SGPP2: variants seen among roughly 807,000 people sequenced by gnomAD.
SGPP2 encodes sphingosine 1-phosphate phosphohydrolase 2.
A neutral mutation model predicts 33.9 loss-of-function variants in SGPP2; 30 were observed. The ratio of observed to expected loss-of-function variants is 0.89; its 90% confidence interval spans 0.66 to 1.20. The LOEUF (loss-of-function observed/expected upper bound fraction) is 1.20, where lower values mean the gene tolerates loss of function less well. SGPP2 is among the 50% of genes most tolerant of loss of function. SGPP2 has a pLI of 0.00. For missense variants in SGPP2, 458 were observed against 532.1 expected, an observed-to-expected ratio of 0.86 and a Z score of 1.37; for synonymous variants, 233 against 225.0, an observed-to-expected ratio of 1.04 and a Z score of -0.32.
chr2:222,546,229 C>T (rs1689196514), intron 4 of SGPP2, among the ~76,000 whole-genome samples: 1 of 152,160 alleles, frequency 6.6e-6, no homozygotes, highest in Non-Finnish European at 1.5e-5. Flanking sequence ...TGTGCATAGG[C>T]CTGTGGCATA....
At chr2:222,464,601 A>G (rs997136568) in intron 1 of SGPP2, among the ~76,000 whole-genome samples, 1 of 151,952 alleles carries the variant, frequency 6.6e-6, no homozygotes, top group Non-Finnish European at 1.5e-5. Flanking sequence ...TCTCACCTCA[A>G]CCTCCCAAAT....
intron 4 of SGPP2, among the ~76,000 whole-genome samples, chr2:222,549,883 C>CT (rs751034613): frequency 0.013 from 1,765 of 137,606 alleles, 10 homozygotes; most frequent in South Asian, 0.019. Context: ...CTTTTCTTTT[C>CT]TTTTTTTTTT....
chr2:222,431,162 A>G (rs906923089), intron 1 of SGPP2, among the ~76,000 whole-genome samples: 1 of 146,568 alleles, frequency 6.8e-6, no homozygotes, highest in Non-Finnish European at 1.5e-5. Context: ...TATCTTTTCA[A>G]TCTTTTTATA....
At chr2:222,516,782 C>T (rs1698609576) in intron 2 of SGPP2, among the ~76,000 whole-genome samples, 1 of 152,068 alleles carries the variant, frequency 6.6e-6, no homozygotes, top group African/African-American at 2.4e-5. Context: ...AGCAGTAGGT[C>T]CCCAATAAAT....
chr2:222,482,708 A>T (rs1266419521), intron 2 of SGPP2, among the ~76,000 whole-genome samples: 1 of 152,200 alleles, frequency 6.6e-6, no homozygotes, highest in Non-Finnish European at 1.5e-5. Flanking sequence ...AGACAGCCAG[A>T]CACAGCCCCT....
At position 222,521,882 on chromosome 2, in the gene SGPP2, C is replaced by T; in HGVS notation, c.494C>T (p.Thr165Ile). ...RLIAEYGMPS[T>I]HAMAATAIAF... ...ATCGCTGAATATGGAATGCCATCCA[C>T]CCACGCCATGGCGGCCACTGCCATT... Residue 165 changes from threonine (T) to isoleucine (I), a missense_variant, in exon 3 of 5, where the codon ACC (threonine) becomes ATC (isoleucine). By Grantham distance (89) the Thr-to-Ile change is moderately conservative. Transcript: ENST00000321276. The T allele has an allele frequency of 6.2e-7, 1 of 1,609,206 alleles. No individual in the cohort carries two copies. The highest frequency in any genetic ancestry group is 8.5e-7 in the Non-Finnish European group (1 of 1,178,154).
At chr2:222,486,892 T>C (rs1436668574) in intron 2 of SGPP2, among the ~76,000 whole-genome samples, 3 of 152,058 alleles carry the variant, frequency 2.0e-5, no homozygotes, top group Non-Finnish European at 4.4e-5. Flanking sequence ...TTTCATTTTG[T>C]GGGTAGTAAA....
chr2:222,501,139 A>G (rs980002710), intron 2 of SGPP2, among the ~76,000 whole-genome samples: 2 of 152,152 alleles, frequency 1.3e-5, no homozygotes, highest in African/African-American at 4.8e-5. Context: ...GAACAAGTGC[A>G]CAAGTGTGTT....
intron 2 of SGPP2, 130 bp from the exon 3 acceptor site, chr2:222,521,637 C>T (rs761411333): frequency 2.0e-5 from 19 of 938,588 alleles, no homozygotes; most frequent in Middle Eastern, 3.4e-4. Flanking sequence ...ACTTTGCCAA[C>T]AAGTAGCTGG....
At chr2:222,535,986 G>C (rs752048516) in intron 4 of SGPP2, among the ~76,000 whole-genome samples, 1 of 152,202 alleles carries the variant, frequency 6.6e-6, no homozygotes, top group Non-Finnish European at 1.5e-5. Context: ...ATAAAAAGCA[G>C]CCACATTTAG....
intron 2 of SGPP2, among the ~76,000 whole-genome samples, chr2:222,483,860 T>C (rs991979060): frequency 4.6e-5 from 7 of 152,246 alleles, no homozygotes; most frequent in South Asian, 4.1e-4. Flanking sequence ...ATTGCCCTGC[T>C]TGTTAAGTTG....
intron 4 of SGPP2, among the ~76,000 whole-genome samples, chr2:222,556,045 A>G (rs1231943396): frequency 6.6e-6 from 1 of 152,188 alleles, no homozygotes; most frequent in Admixed American, 6.5e-5. Flanking sequence ...AAGGGGAAAT[A>G]TGGGGCTGTT....
chr2:222,542,983 G>C (rs1699020309), intron 4 of SGPP2, among the ~76,000 whole-genome samples: 1 of 151,968 alleles, frequency 6.6e-6, no homozygotes, highest in African/African-American at 2.4e-5. Context: ...TAGAGATGAG[G>C]TCTCGCTATG....
chr2:222,510,709 A>G (rs1386037385), intron 2 of SGPP2, among the ~76,000 whole-genome samples: 1 of 152,186 alleles, frequency 6.6e-6, no homozygotes, highest in African/African-American at 2.4e-5. Flanking sequence ...TATTATGATC[A>G]TATGGAGCCT....
At chr2:222,508,836 G>A (rs1698483345) in intron 2 of SGPP2, among the ~76,000 whole-genome samples, 1 of 152,040 alleles carries the variant, frequency 6.6e-6, no homozygotes, top group Admixed American at 6.6e-5. Flanking sequence ...TGCTTGCTTT[G>A]TTTTGGTGGT....
At chr2:222,444,705 C>T (rs994292732) in intron 1 of SGPP2, among the ~76,000 whole-genome samples, 3 of 152,156 alleles carry the variant, frequency 2.0e-5, no homozygotes, top group Non-Finnish European at 2.9e-5. Flanking sequence ...ATTTTGAGTG[C>T]CGTTGCCTCC....
Position 222,474,541 on chromosome 2 carries a change from C to CA in SGPP2, c.220-26dup, listed in dbSNP as rs544658660. ...AAACTTGACATATTGCATGAACTCA[C>CA]AGAGTCTTCTAACTTTTGTCTTTTA... On this transcript the variant is annotated intron_variant, in intron 1 of 4. Transcript: ENST00000321276. The CA allele has an allele frequency of 1.9e-4, 301 of 1,607,374 alleles. No individual in the cohort carries two copies. The African/African-American group carries it at 3.1e-3, about 17-fold the overall frequency.
intron 2 of SGPP2, among the ~76,000 whole-genome samples, chr2:222,479,530 G>A (rs1697997621): frequency 1.3e-5 from 2 of 149,188 alleles, no homozygotes; most frequent in African/African-American, 2.5e-5. Context: ...AGCCTCCCAA[G>A]TAGCTGGGAC....
intron 2 of SGPP2, among the ~76,000 whole-genome samples, chr2:222,517,008 A>G (rs1231889971): frequency 2.0e-5 from 3 of 152,164 alleles, no homozygotes; most frequent in Non-Finnish European, 2.9e-5. Flanking sequence ...TTTAAACTCT[A>G]GTGGTCCTAA....
Sources: gnomAD v4.1 joint callset for allele counts (sites outside exome capture counted in the v4.1 genomes callset) on GRCh38, gnomAD v4.1.1 for gene constraint, MANE v1.5 for transcripts, NCBI Gene and HGNC (gene_info 2026-07-23, HGNC 2026-07-21) for gene names.